PRKD1: variants seen among roughly 807,000 people sequenced by gnomAD.
The protein encoded by PRKD1 is serine/threonine-protein kinase D1.
Under a neutral mutation model 95.9 loss-of-function variants are expected in PRKD1, and 63 were observed. The observed-to-expected ratio is 0.66, with a 90% CI of 0.54 to 0.81. The LOEUF is 0.81. Among genes scored for constraint, PRKD1 ranks in the 30% least tolerant of loss-of-function variants. The pLI, the probability that PRKD1 is intolerant of heterozygous loss-of-function variation, is 0.00. For missense variants in PRKD1, 1,048 were observed against 1,165.3 expected (o/e 0.90, Z 1.47); for synonymous variants, 425 against 423.1 (o/e 1.00, Z -0.05).
chr14:29,647,322 C>T (rs568776026), intron 4 of PRKD1, among the ~76,000 whole-genome samples: 6 of 152,142 alleles, frequency 3.9e-5, no homozygotes, highest in South Asian at 2.1e-4. Context: ...GTAAAGGAAC[C>T]GTGATATTTT....
chr14:29,725,562 C>A lies in PRKD1; in HGVS notation c.377G>T (p.Gly126Val), dbSNP rs774201493. The change falls in exon 2 of 18, where the codon GGC (glycine) becomes GTC (valine). Residue 126 changes from glycine (G) to valine (V), a missense_variant. Gly to Val is a moderately radical substitution (Grantham distance 109). Around this residue, in one of 3 missense-constraint regions of PRKD1, gnomAD observed 275 missense variants for 248.6 expected, o/e 1.11. Transcript: ENST00000331968. The part of the protein sequence containing the change: ...LVKAASDIQE[G>V]DLIEVVLSAS... ...TGACAAGACCACTTCAATAAGATCGCCTTCCTGGATATCACTGGCCGCTTT... is the reference window on the plus strand; with the variant it reads ...TGACAAGACCACTTCAATAAGATCGACTTCCTGGATATCACTGGCCGCTTT... 6.2e-7 allele frequency: 1 copy of A among 1,613,678 alleles called. No homozygotes were observed. Among genetic ancestry groups the A allele is most frequent in the Non-Finnish European group, 8.5e-7 (1 of 1,179,724 alleles).
At chr14:29,896,197 T>G (rs116274848) in intron 1 of PRKD1, among the ~76,000 whole-genome samples, 3 of 152,124 alleles carry the variant, frequency 2.0e-5, no homozygotes, top group Non-Finnish European at 1.5e-5. Flanking sequence ...TCAACATTAT[T>G]TAGATGAGAA....
rs368454118 is a variant in PRKD1 at position 29,808,169 on chromosome 14, T to C, written c.265-82495A>G. Among the ~76,000 whole-genome samples the C allele has an allele frequency of 1.2e-4, 18 of 152,244 alleles. No individual in the cohort carries two copies. In the South Asian group the frequency reaches 3.5e-3, roughly 30 times the overall value. ...AATTGGAGTCAATCCTCTCAAATCC[T>C]GCCACTGCTTTATCAACTAAGTTTA... is the stretch of plus-strand genomic sequence containing the variant. On this transcript the variant is annotated intron_variant, in intron 1 of 17. Coordinates refer to ENST00000331968, the MANE Select transcript of PRKD1 (RefSeq NM_002742.3).
intron 16 of PRKD1, among the ~76,000 whole-genome samples, chr14:29,588,949 C>T (rs1221916817): frequency 6.6e-6 from 1 of 151,956 alleles, no homozygotes; most frequent in Non-Finnish European, 1.5e-5. Context: ...GGAATAGGTG[C>T]TTCTTCAGAC....
intron 1 of PRKD1, 70 bp downstream of exon 1, chr14:29,927,179 A>G: frequency 7.4e-7 from 1 of 1,348,568 alleles, no homozygotes; most frequent in Non-Finnish European, 9.5e-7. Context: ...GTTGGCGCGG[A>G]GAGGGCCAGC....
intron 1 of PRKD1, among the ~76,000 whole-genome samples, chr14:29,872,295 A>G (rs1893135054): frequency 2.0e-5 from 3 of 152,222 alleles, no homozygotes. Context: ...AATGACAAAA[A>G]TACATTTTAA....
At chr14:29,757,877 A>T (rs1195932387) in intron 1 of PRKD1, among the ~76,000 whole-genome samples, 1 of 151,980 alleles carries the variant, frequency 6.6e-6, no homozygotes, top group Admixed American at 6.6e-5. Context: ...CAGATTTGAT[A>T]TGGAGGGTGT....
intron 16 of PRKD1, among the ~76,000 whole-genome samples, chr14:29,582,110 A>G (rs1289960948): frequency 6.6e-6 from 1 of 152,138 alleles, no homozygotes; most frequent in Non-Finnish European, 1.5e-5. Context: ...CCTACTTAAA[A>G]AAAAGTGCAG....
chr14:29,903,582 C>T (rs1234016705), intron 1 of PRKD1, among the ~76,000 whole-genome samples: 1 of 152,172 alleles, frequency 6.6e-6, no homozygotes, highest in Non-Finnish European at 1.5e-5. Context: ...TATCCCCTGA[C>T]AGGGAGAGTA....
intron 13 of PRKD1, among the ~76,000 whole-genome samples, chr14:29,611,515 A>T (rs1951531): frequency 1 from 151,640 of 152,154 alleles, 75,565 homozygotes; most frequent in East Asian, 1. Flanking sequence ...AGGGATCCTG[A>T]ATGCATGCAT....
chr14:29,794,663 C>T (rs1594525434), intron 1 of PRKD1, among the ~76,000 whole-genome samples: 1 of 152,098 alleles, frequency 6.6e-6, no homozygotes, highest in East Asian at 1.9e-4. Flanking sequence ...CTCCCCTCTG[C>T]CCCTTCTCAT....
chr14:29,666,074 T>TA lies in PRKD1; in HGVS notation c.535+2dup. Reference sequence around the variant, plus strand: ...TAACTTGCATGGGAAGAAAATAACTTACCTTCACATTTAAGACCTTGACGT... The same window carrying TA: ...TAACTTGCATGGGAAGAAAATAACTTAACCTTCACATTTAAGACCTTGACGT... On this transcript the variant is annotated splice_region_variant and intron_variant, in intron 3 of 17. Coordinates refer to ENST00000331968, the MANE Select transcript of PRKD1 (RefSeq NM_002742.3). 5.1e-6 allele frequency: 8 copies of TA among 1,580,196 alleles called. No individual in the cohort carries two copies. Among genetic ancestry groups the TA allele is most frequent in the Non-Finnish European group, 6.9e-6 (8 of 1,156,794 alleles).
chr14:29,662,799 ATT>A (rs1319369918), intron 4 of PRKD1, among the ~76,000 whole-genome samples: 1 of 151,756 alleles, frequency 6.6e-6, no homozygotes. Context: ...TATTTTCAAA[ATT>A]TTTTTCTCTC....
At chr14:29,688,915 C>G (rs1884044623) in intron 2 of PRKD1, among the ~76,000 whole-genome samples, 1 of 129,176 alleles carries the variant, frequency 7.7e-6, no homozygotes, top group Non-Finnish European at 1.5e-5. Context: ...CGCCACTGCA[C>G]TCCAGCCTGG....
intron 2 of PRKD1, among the ~76,000 whole-genome samples, chr14:29,673,877 A>G (rs948278262): frequency 2.0e-5 from 3 of 152,170 alleles, no homozygotes; most frequent in Non-Finnish European, 4.4e-5. Context: ...AAATGCATGG[A>G]CTGAGTGCCA....
At chr14:29,610,046 A>G (rs1445156519) in intron 13 of PRKD1, among the ~76,000 whole-genome samples, 1 of 152,306 alleles carries the variant, frequency 6.6e-6, no homozygotes, top group East Asian at 1.9e-4. Context: ...AGGAGTATGC[A>G]GAAAGCAACA....
In PRKD1 at chr14:29,777,886, A is replaced by G. The variant is rs542990421; in HGVS notation, c.265-52212T>C. ...ACACTTATTCCAAAATTGACCACAA[A>G]GTTGGAAGTAAAGCACTCCTCAGCA... On this transcript the variant is annotated intron_variant, in intron 1 of 17. Coordinates refer to ENST00000331968, the MANE Select transcript of PRKD1 (RefSeq NM_002742.3). Among the ~76,000 whole-genome samples the G allele has an allele frequency of 5.5e-3, 840 of 152,274 alleles. 6 individuals are homozygous for G. Among genetic ancestry groups the G allele is most frequent in the African/African-American group, 0.02 (812 of 41,544 alleles).
rs45481993 is a variant in PRKD1 at position 29,639,921 on chromosome 14, T to C, written c.697-1017A>G. 1.2e-4 allele frequency among the ~76,000 whole-genome samples: 19 copies of C among 152,298 alleles called. No individual in the cohort carries two copies. In the East Asian group the frequency reaches 3.1e-3, roughly 25 times the overall value. On this transcript the variant is annotated intron_variant, in intron 4 of 17. Coordinates refer to ENST00000331968, the MANE Select transcript of PRKD1 (RefSeq NM_002742.3). ...ATTAAATTAACTAAAATTAACCATG[T>C]TTTCTATGTTTTTGGATAATTTCAC...
chr14:29,660,153 T>A (rs1171318573), intron 4 of PRKD1, among the ~76,000 whole-genome samples: 1 of 152,170 alleles, frequency 6.6e-6, no homozygotes, highest in African/African-American at 2.4e-5. Context: ...CACAGAGATG[T>A]TTGCTGAAAA....
Sources: gnomAD v4.1 joint callset for allele counts (sites outside exome capture counted in the v4.1 genomes callset) on GRCh38, gnomAD v4.1.1 for gene constraint, gnomAD v4.1.1 regional missense constraint, MANE v1.5 for transcripts, NCBI Gene and HGNC (gene_info 2026-07-23, HGNC 2026-07-21) for gene names.